The following PHF21B variants were observed in gnomAD, a reference collection of about 807,000 sequenced individuals.
PHF21B encodes the protein PHD finger protein 4.
A neutral mutation model predicts 62.2 loss-of-function variants in PHF21B; 22 were observed. The observed-to-expected ratio is 0.35, with a 90% confidence interval of 0.25 to 0.51. The LOEUF (loss-of-function observed/expected upper bound fraction) is 0.51, where lower values mean the gene tolerates loss of function less well. Among genes scored for constraint, PHF21B ranks in the 20% least tolerant of loss-of-function variants. The pLI is 0.97. For synonymous variants in PHF21B, 341 were observed against 314.7 expected (o/e 1.08, Z -0.88); for missense variants, 701 against 707.9 (o/e 0.99, Z 0.11).
chr22:44,962,199 A>G (rs2072437837), intron 2 of PHF21B, among the ~76,000 whole-genome samples: 1 of 152,246 alleles, frequency 6.6e-6, no homozygotes, highest in Admixed American at 6.5e-5. Context: ...ACTGCCTTCC[A>G]TGGTGGCTGA....
intron 3 of PHF21B, among the ~76,000 whole-genome samples, chr22:44,918,512 C>T (rs535200491): frequency 6.6e-6 from 1 of 152,306 alleles, no homozygotes; most frequent in Admixed American, 6.5e-5. Flanking sequence ...CAGCCCCAGG[C>T]CGGGAAGCCC....
At chr22:44,921,559 G>T (rs1379344447) in intron 2 of PHF21B, among the ~76,000 whole-genome samples, 1 of 151,424 alleles carries the variant, frequency 6.6e-6, no homozygotes, top group Admixed American at 6.6e-5. Flanking sequence ...TAGAGACGGG[G>T]TTTCACCGTG....
At chr22:45,004,092 G>A (rs984934832) in intron 2 of PHF21B, among the ~76,000 whole-genome samples, 5 of 152,102 alleles carry the variant, frequency 3.3e-5, no homozygotes, top group Admixed American at 2.6e-4. Flanking sequence ...GGGGGAAAGG[G>A]GAGAGGGGAA....
At chr22:44,901,630 G>A (rs1222351641) in intron 5 of PHF21B, 4 of 454,288 alleles carry the variant, frequency 8.8e-6, no homozygotes, top group Non-Finnish European at 1.4e-5. Context: ...GAAACCCGAA[G>A]CCAAGAAGGC....
intron 2 of PHF21B, among the ~76,000 whole-genome samples, chr22:44,946,150 G>A (rs749548475): frequency 2.6e-5 from 4 of 152,154 alleles, no homozygotes; most frequent in South Asian, 2.1e-4. Context: ...GAGTGGTCAC[G>A]GAAGGCTTCC....
chr22:44,924,067 G>GGAA lies in PHF21B; in HGVS notation c.121-3578_121-3577insTTC, dbSNP rs1313518062. Among the ~76,000 whole-genome samples the GGAA allele has an allele frequency of 3.1e-4, 20 of 65,138 alleles. No homozygotes were observed. In the South Asian group the frequency reaches 9.2e-3, roughly 30 times the overall value. The allele number at this position is 65,138 out of a possible 152,430, so 42.7% of individuals were successfully genotyped here. A position where few individuals can be genotyped will look rare whatever the true frequency, so the allele number is the denominator to read the frequency against. ...GGAGGAAGAAGAGGGAGGGAGGGAG[G>GGAA]GAGGGGAGGGAAGAGGGGAGGAAGG... On this transcript the variant is annotated intron_variant, in intron 2 of 12. Coordinates refer to ENST00000313237, the MANE Select transcript of PHF21B (RefSeq NM_138415.5).
In PHF21B at chr22:44,913,877, G is replaced by C; in HGVS notation, c.776C>G (p.Ala259Gly). ...TTCCTTCTTCTTTTTGGTGGCCTGA[G>C]CTCCCTGAGATGGCTCCTCTGTGGG... The part of the protein sequence containing the change: ...RPPTEEPSQG[A>G]QATKKKKEDR... The change falls in exon 5 of 13, where the codon GCT becomes GGT. Residue 259 changes from alanine (A) to glycine (G), a missense_variant. By Grantham distance (60) the Ala-to-Gly change is moderately conservative. Coordinates refer to ENST00000313237, the MANE Select transcript of PHF21B (RefSeq NM_138415.5). 6.2e-7 allele frequency: 1 copy of C among 1,614,050 alleles called. No homozygotes were observed. Among genetic ancestry groups the C allele is most frequent in the Non-Finnish European group, 8.5e-7 (1 of 1,180,022 alleles).
At chr22:44,898,432 C>T (rs978104038) in intron 5 of PHF21B, among the ~76,000 whole-genome samples, 1 of 152,044 alleles carries the variant, frequency 6.6e-6, no homozygotes, top group African/African-American at 2.4e-5. Flanking sequence ...TGCCAAGCTC[C>T]ACTCAGCAAA....
chr22:44,999,291 A>G (rs2073171277), intron 2 of PHF21B, among the ~76,000 whole-genome samples: 1 of 152,194 alleles, frequency 6.6e-6, no homozygotes, highest in South Asian at 2.1e-4. Context: ...AAACTATAAA[A>G]TAACATCAAT....
chr22:44,975,549 C>T (rs948836135), intron 2 of PHF21B, among the ~76,000 whole-genome samples: 9 of 152,230 alleles, frequency 5.9e-5, no homozygotes, highest in Admixed American at 6.5e-5. Context: ...AGAGGGTTTT[C>T]TAAGCATTTA....
chr22:44,918,142 C>T (rs889668585), intron 3 of PHF21B, among the ~76,000 whole-genome samples: 17 of 152,246 alleles, frequency 1.1e-4, no homozygotes, highest in Non-Finnish European at 2.1e-4. Flanking sequence ...TCGTTCCTGC[C>T]GGCCCTCAGC....
chr22:44,975,591 A>G (rs995648963), intron 2 of PHF21B, among the ~76,000 whole-genome samples: 3 of 152,218 alleles, frequency 2.0e-5, no homozygotes, highest in Non-Finnish European at 4.4e-5. Flanking sequence ...GCACTGTGGC[A>G]TGAGCTTCTT....
chr22:44,901,842 T>C (rs1281317290), intron 5 of PHF21B: 1 of 270,894 alleles, frequency 3.7e-6, no homozygotes, highest in Non-Finnish European at 7.3e-6. Flanking sequence ...GAGAAGGTTC[T>C]TGCAACTGTT....
At chr22:44,947,694 T>A (rs2072103330) in intron 2 of PHF21B, among the ~76,000 whole-genome samples, 1 of 152,194 alleles carries the variant, frequency 6.6e-6, no homozygotes, top group South Asian at 2.1e-4. Context: ...GCCACTGCCA[T>A]CCATGAAAGG....
intron 5 of PHF21B, among the ~76,000 whole-genome samples, chr22:44,908,288 G>A (rs2071286433): frequency 6.6e-6 from 1 of 152,154 alleles, no homozygotes; most frequent in Non-Finnish European, 1.5e-5. Flanking sequence ...GTCCCCATCT[G>A]TACCATGGGC....
chr22:44,979,312 T>A (rs1213257449), intron 2 of PHF21B, among the ~76,000 whole-genome samples: 1 of 152,222 alleles, frequency 6.6e-6, no homozygotes, highest in Non-Finnish European at 1.5e-5. Flanking sequence ...AAGGCCAAGT[T>A]CACGTGTGAC....
At chr22:44,985,378 C>T (rs1214189289) in intron 2 of PHF21B, among the ~76,000 whole-genome samples, 1 of 152,194 alleles carries the variant, frequency 6.6e-6, no homozygotes, top group Non-Finnish European at 1.5e-5. Flanking sequence ...CACTTGCAAG[C>T]TCTAGCTCAT....
chr22:44,891,461 A>AC, intron 7 of PHF21B, 101 bp from the exon 8 acceptor site: 1 of 1,414,816 alleles, frequency 7.1e-7, no homozygotes, highest in Non-Finnish European at 9.8e-7. Flanking sequence ...CAGGGTTCCC[A>AC]CCCAGGGCTC....
chr22:44,963,490 T>C (rs183319647), intron 2 of PHF21B, among the ~76,000 whole-genome samples: 31 of 152,320 alleles, frequency 2.0e-4, no homozygotes, highest in Admixed American at 1.6e-3. Flanking sequence ...ACGTGACCCA[T>C]GGTTTCTCCA....
Sources: gnomAD v4.1 joint callset for allele counts (sites outside exome capture counted in the v4.1 genomes callset) on GRCh38, gnomAD v4.1.1 for gene constraint, MANE v1.5 for transcripts, NCBI Gene and HGNC (gene_info 2026-07-23, HGNC 2026-07-21) for gene names.